Variants in GRIPAP1 observed in about 807,000 individuals in gnomAD.
GRIPAP1 encodes the protein GRIP1 associated protein 1, also known as GRIP1-associated protein 1.
Under a neutral mutation model 84.1 loss-of-function variants are expected in GRIPAP1, and 14 were observed. The observed-to-expected ratio is 0.17, with a 90% CI of 0.11 to 0.26. The LOEUF is 0.26. Among genes scored for constraint, GRIPAP1 ranks in the 10% least tolerant of loss-of-function variants. GRIPAP1 has a pLI of 1.00. For synonymous variants in GRIPAP1, 261 were observed against 256.8 expected (o/e 1.02, Z -0.15); for missense variants, 518 against 674.2 (o/e 0.77, Z 2.57).
chrX:48,983,939 T>C (rs2064472324), intron 14 of GRIPAP1, 69 bp from the exon 15 acceptor site: 4 of 633,417 alleles, frequency 6.3e-6, no homozygotes, highest in Non-Finnish European at 1.1e-5. Flanking sequence ...CCCAGGACCA[T>C]CTGGTAGACC....
At chrX:48,984,593 T>C (rs782345500) in intron 14 of GRIPAP1, among the ~76,000 whole-genome samples, 25 of 106,599 alleles carry the variant, frequency 2.3e-4, no homozygotes, top group African/African-American at 7.9e-4. Context: ...CAGGCGCCTG[T>C]AATCCCAGCT....
chrX:48,992,961 C>T (rs1292265584), intron 6 of GRIPAP1, among the ~76,000 whole-genome samples: 22 of 110,963 alleles, frequency 2.0e-4, no homozygotes, highest in African/African-American at 6.6e-4. Context: ...GCTGGGACTA[C>T]AGGCGCCCGC....
At chrX:48,978,534 AAG>A (rs1333732537) in intron 21 of GRIPAP1, 99 bp from the exon 22 acceptor site, 23 of 777,400 alleles carry the variant, frequency 3.0e-5, no homozygotes, top group Non-Finnish European at 3.7e-5. Flanking sequence ...CAGAGATGGA[AAG>A]AGAGACACCT....
At chrX:48,976,208 G>T (rs1156561217) in intron 23 of GRIPAP1, 33 bp downstream of exon 23, 3 of 1,177,842 alleles carry the variant, frequency 2.5e-6, no homozygotes, top group Admixed American at 2.5e-5. Context: ...GGCACTTCAA[G>T]TGGGGATGGG....
rs782146437 is a variant in GRIPAP1 at position 48,980,870 on chromosome X, C to T, written c.1930+345G>A. Reference sequence around the variant, plus strand: ...TGCACTCCAGCCTGGGCAACAAGAGCGAAACTCTGTCTCAAAAAAAAAAAA... The same window carrying T: ...TGCACTCCAGCCTGGGCAACAAGAGTGAAACTCTGTCTCAAAAAAAAAAAA... On this transcript the variant is annotated intron_variant, in intron 21 of 25. Transcript: ENST00000376423. 1.5e-4 allele frequency: 28 copies of T among 188,915 alleles called. No individual in the cohort carries two copies. The South Asian group carries it at 2.0e-3, about 14-fold the overall frequency. The allele number at this position is 188,915 out of a possible 1,213,427, so 15.6% of individuals were successfully genotyped here.
intron 5 of GRIPAP1, among the ~76,000 whole-genome samples, chrX:48,994,561 C>G: frequency 8.9e-6 from 1 of 111,779 alleles, no homozygotes; most frequent in Non-Finnish European, 1.9e-5. Flanking sequence ...CCAATCCTCT[C>G]ATCCAGTTCT....
chrX:48,992,965 C>T (rs781862305), intron 6 of GRIPAP1, among the ~76,000 whole-genome samples: 2 of 110,828 alleles, frequency 1.8e-5, no homozygotes, highest in East Asian at 2.9e-4. Flanking sequence ...GGACTACAGG[C>T]GCCCGCCACC....
chrX:48,981,761 T>C, intron 18 of GRIPAP1, 34 bp downstream of exon 18: 1 of 1,170,904 alleles, frequency 8.5e-7, no homozygotes, highest in African/African-American at 1.8e-5. Flanking sequence ...CCCGTCACTG[T>C]CTGGAGAGAG....
At chrX:48,980,081 T>C (rs2147734159) in intron 21 of GRIPAP1, among the ~76,000 whole-genome samples, 1 of 111,133 alleles carries the variant, frequency 9.0e-6, no homozygotes, top group Non-Finnish European at 1.9e-5. Context: ...TGGGGATCCG[T>C]AGGTATCCCG....
intron 25 of GRIPAP1, 94 bp downstream of exon 25, chrX:48,975,061 T>C (rs1266205540): frequency 2.4e-6 from 2 of 823,090 alleles, no homozygotes; most frequent in Non-Finnish European, 3.4e-6. Context: ...GCTGGGTGGG[T>C]GGGCAAGGGG....
chrX:48,991,021 C>A lies in GRIPAP1; in HGVS notation c.547G>T (p.Val183Phe). Residue 183 changes from valine (V) to phenylalanine (F), a missense_variant, in exon 7 of 26, where the codon GTC becomes TTC. Coordinates refer to ENST00000376423, the MANE Select transcript of GRIPAP1 (RefSeq NM_020137.5). ...GDPPGGLAPT[V>F]LAPMPLAEVE... ...TCTGCCAACGGCATGGGGGCCAGGA[C>A]GGTGGGGGCCAGGCCCCCTGGGGGA... 6 of 1,186,683 alleles carry A rather than the reference C, an allele frequency of 5.1e-6. No homozygotes were observed. Among genetic ancestry groups the A allele is most frequent in the Non-Finnish European group, 6.9e-6 (6 of 874,688 alleles).
At chrX:48,975,853 G>A (rs1186619985) in intron 24 of GRIPAP1, 165 bp downstream of exon 24, 4 of 450,098 alleles carry the variant, frequency 8.9e-6, no homozygotes, top group Non-Finnish European at 1.2e-5. Context: ...GGGAGGAGGC[G>A]AGATCAAGAG....
intron 21 of GRIPAP1, 116 bp from the exon 22 acceptor site, chrX:48,978,551 A>G (rs2064435848): frequency 8.9e-6 from 6 of 672,616 alleles, no homozygotes; most frequent in Non-Finnish European, 1.1e-5. Flanking sequence ...ACACCTGGGC[A>G]TGGGGAAAGG....
intron 13 of GRIPAP1, 99 bp downstream of exon 13, chrX:48,987,686 A>G (rs1467973352): frequency 5.6e-6 from 3 of 531,323 alleles, no homozygotes; most frequent in Non-Finnish European, 9.8e-6. Flanking sequence ...ACAGGAGAAC[A>G]GCATGGGGTC....
At chrX:48,985,626 G>A (rs1282877210) in intron 13 of GRIPAP1, among the ~76,000 whole-genome samples, 1 of 112,271 alleles carries the variant, frequency 8.9e-6, no homozygotes, top group African/African-American at 3.2e-5. Flanking sequence ...GTGCTGCCAC[G>A]TGGATAAACT....
intron 5 of GRIPAP1, among the ~76,000 whole-genome samples, chrX:48,996,333 C>T (rs1347777469): frequency 8.9e-6 from 1 of 112,047 alleles, no homozygotes; most frequent in African/African-American, 3.2e-5. Flanking sequence ...GGGCCGGGCG[C>T]GGTGGCTCAC....
Position 48,981,653 on chromosome X carries a change from G to C in GRIPAP1, c.1716C>G (p.Leu572=), listed in dbSNP as rs1359859805. 8.3e-7 allele frequency: 1 copy of C among 1,208,185 alleles called. No individual in the cohort carries two copies. The highest frequency in any genetic ancestry group is 1.1e-6 in the Non-Finnish European group (1 of 893,259). The change falls in exon 19 of 26, where the codon CTC becomes CTG. Residue 572 remains leucine (L), a synonymous_variant. Coordinates refer to ENST00000376423, the MANE Select transcript of GRIPAP1 (RefSeq NM_020137.5). The stretch of plus-strand genomic sequence containing the variant: ...AGTCCCGCTCCTCCTGGGCCTGCTC[G>C]AGCTGATCCCGTACATCCTGTAGCT... The part of the protein sequence containing the change: ...EEELQDVRDQ[L]EQAQEERDCH...
chrX:48,993,680 C>A, intron 5 of GRIPAP1, 102 bp from the exon 6 acceptor site: 1 of 589,137 alleles, frequency 1.7e-6, no homozygotes, highest in Non-Finnish European at 2.4e-6. Context: ...CACTTAATTC[C>A]CATAATGACC....
intron 3 of GRIPAP1, 100 bp from the exon 4 acceptor site, chrX:48,998,280 G>A (rs2064558648): frequency 1.8e-6 from 1 of 561,653 alleles, no homozygotes; most frequent in Non-Finnish European, 3.0e-6. Context: ...GGAGGACAAG[G>A]ATGACAGGGG....
Sources: gnomAD v4.1 joint callset for allele counts (sites outside exome capture counted in the v4.1 genomes callset) on GRCh38, gnomAD v4.1.1 for gene constraint, MANE v1.5 for transcripts, NCBI Gene and HGNC (gene_info 2026-07-23, HGNC 2026-07-21) for gene names.